CCSER2: variants seen among roughly 807,000 people sequenced by gnomAD.
CCSER2 encodes serine-rich coiled-coil domain-containing protein 2.
In CCSER2, 46 loss-of-function variants were observed where a neutral mutation model predicts 92.3. The observed-to-expected ratio is 0.50, with a 90% CI of 0.39 to 0.64. The LOEUF is 0.64. CCSER2 is among the 30% of genes least tolerant of loss of function. The pLI is 0.00. For synonymous variants in CCSER2, 433 were observed against 431.4 expected, an observed-to-expected ratio of 1.00 and a Z score of -0.04; for missense variants, 1,244 against 1,238.9, an observed-to-expected ratio of 1.00 and a Z score of -0.06.
chr10:84,444,448 C>G (rs963174783), intron 6 of CCSER2, among the ~76,000 whole-genome samples: 2 of 152,138 alleles, frequency 1.3e-5, no homozygotes, highest in African/African-American at 4.8e-5. Flanking sequence ...CTCTGATATA[C>G]ATTATCTCTA....
intron 1 of CCSER2, among the ~76,000 whole-genome samples, chr10:84,333,266 C>A (rs1008772504): frequency 1.3e-5 from 2 of 152,094 alleles, no homozygotes; most frequent in Non-Finnish European, 2.9e-5. Flanking sequence ...AGGTTACTCC[C>A]ATTCTAGATA....
At chr10:84,431,777 A>G (rs1564656314) in intron 5 of CCSER2, among the ~76,000 whole-genome samples, 1 of 152,188 alleles carries the variant, frequency 6.6e-6, no homozygotes, top group Admixed American at 6.5e-5. Flanking sequence ...GTATGGCTGT[A>G]CTACAGTTTG....
chr10:84,512,393 TGTGA>T (rs1390480402), intron 9 of CCSER2, among the ~76,000 whole-genome samples: 2 of 122,196 alleles, frequency 1.6e-5, no homozygotes, highest in East Asian at 2.6e-4. Flanking sequence ...TGTGTGTGTG[TGTGA>T]GAGAGAGAGA....
chr10:84,331,554 T>TA (rs1843563350), intron 1 of CCSER2, among the ~76,000 whole-genome samples: 1 of 152,214 alleles, frequency 6.6e-6, no homozygotes, highest in Admixed American at 6.5e-5. Context: ...TGCAGCTGGC[T>TA]AATAGCATGG....
chr10:84,433,193 G>T (rs2133474137), intron 5 of CCSER2, among the ~76,000 whole-genome samples: 1 of 152,058 alleles, frequency 6.6e-6, no homozygotes, highest in East Asian at 1.9e-4. Flanking sequence ...GGATATTTTG[G>T]GTCTTTTGCC....
intron 6 of CCSER2, among the ~76,000 whole-genome samples, chr10:84,461,672 T>C (rs78748108): frequency 0.058 from 8,736 of 151,900 alleles, 347 homozygotes; most frequent in Admixed American, 0.1. Context: ...TTTTTTTTTT[T>C]TCCCCCTGAG....
Position 84,430,178 on chromosome 10 carries a change from A to T in CCSER2, c.1868+4285A>T, listed in dbSNP as rs564801524. 2.2e-4 allele frequency among the ~76,000 whole-genome samples: 33 copies of T among 152,258 alleles called. No individual in the cohort carries two copies. In the South Asian group the frequency reaches 6.4e-3, roughly 30 times the overall value. ...TAGTTTGCAGCTTAGGCACACCTGC[A>T]GTCCTGTAAGTAGTTTGCAGCTCTG... On this transcript the variant is annotated intron_variant, in intron 5 of 9. Coordinates refer to ENST00000372088, the MANE Select transcript of CCSER2 (RefSeq NM_001284240.2).
rs140609947 is a variant in CCSER2 at position 84,395,566 on chromosome 10, C to T, written c.1614+21751C>T. Among the ~76,000 whole-genome samples the T allele has an allele frequency of 1.9e-4, 29 of 152,204 alleles. No individual in the cohort carries two copies. The East Asian group carries it at 2.3e-3, about 12-fold the overall frequency. On this transcript the variant is annotated intron_variant, in intron 3 of 9. Transcript: ENST00000372088. Reference sequence around the variant, plus strand: ...TCTAGTGGCATTTGTGTGGTACTTCCGCAATCTTTTATCCCTTTCCTGGTC... The same window carrying T: ...TCTAGTGGCATTTGTGTGGTACTTCTGCAATCTTTTATCCCTTTCCTGGTC...
intron 6 of CCSER2, among the ~76,000 whole-genome samples, chr10:84,452,032 T>TA (rs1287275445): frequency 1.3e-5 from 2 of 152,288 alleles, no homozygotes; most frequent in South Asian, 2.1e-4. Flanking sequence ...CCTTTGTATT[T>TA]AAAAAAGAAA....
chr10:84,504,842 C>A (rs1026372639), intron 9 of CCSER2, among the ~76,000 whole-genome samples: 4 of 152,022 alleles, frequency 2.6e-5, no homozygotes, highest in Non-Finnish European at 4.4e-5. Flanking sequence ...GCAAATAAAT[C>A]ATAAATAAAT....
chr10:84,371,011 C>A lies in CCSER2; in HGVS notation c.-39-3C>A. 7.8e-7 allele frequency: 1 copy of A among 1,287,536 alleles called. No individual in the cohort carries two copies. 79.8% of individuals were successfully genotyped at this position (1,287,536 alleles called of 1,614,324 possible). ...TTAATGTACTTCTTTTTTCTCTTCA[C>A]AGATTCTTTCAACTTTTAAGAACAA... On this transcript the variant is annotated splice_region_variant and splice_polypyrimidine_tract_variant and intron_variant, in intron 1 of 9. Transcript: ENST00000372088.
intron 3 of CCSER2, among the ~76,000 whole-genome samples, chr10:84,374,324 TAATAC>T (rs1252695259): frequency 1.3e-5 from 2 of 152,192 alleles, no homozygotes; most frequent in African/African-American, 2.4e-5. Flanking sequence ...CTCAGTGGGA[TAATAC>T]AATACAAGTG....
At chr10:84,354,294 G>A (rs1387318013) in intron 1 of CCSER2, among the ~76,000 whole-genome samples, 1 of 143,394 alleles carries the variant, frequency 7.0e-6, no homozygotes, top group African/African-American at 2.9e-5. Context: ...AATAGAGTAT[G>A]TTTCCTGACT....
At chr10:84,485,727 C>A (rs1847766745) in intron 9 of CCSER2, among the ~76,000 whole-genome samples, 1 of 152,128 alleles carries the variant, frequency 6.6e-6, no homozygotes, top group South Asian at 2.1e-4. Context: ...GTTTTCAGAA[C>A]ACAGTTCACT....
In CCSER2 at chr10:84,405,401, T is replaced by C. The variant is rs368806901; in HGVS notation, c.1615-12370T>C. On this transcript the variant is annotated intron_variant, in intron 3 of 9. Coordinates refer to ENST00000372088, the MANE Select transcript of CCSER2 (RefSeq NM_001284240.2). The stretch of plus-strand genomic sequence containing the variant: ...TTTTAAAATACTATGACCTGGAGAT[T>C]AGGTGAAAAGTTATTAGAAATTATG... Among the ~76,000 whole-genome samples the C allele has an allele frequency of 3.3e-5, 5 of 151,062 alleles. No homozygotes were observed. In the East Asian group the frequency reaches 7.8e-4, roughly 24 times the overall value.
chr10:84,481,193 C>T (rs900817807), intron 9 of CCSER2, among the ~76,000 whole-genome samples: 1 of 152,056 alleles, frequency 6.6e-6, no homozygotes, highest in African/African-American at 2.4e-5. Flanking sequence ...ACCCCTTGTG[C>T]CCCACACTAT....
At chr10:84,392,084 T>C in intron 3 of CCSER2, 2 of 852,738 alleles carry the variant, frequency 2.3e-6, no homozygotes, top group Non-Finnish European at 3.9e-6. Context: ...TTAGGGGTCC[T>C]TCAGTCTTGG....
chr10:84,457,272 T>TA lies in CCSER2; in HGVS notation c.2065-6659dup, dbSNP rs1172836734. 9.7e-3 allele frequency among the ~76,000 whole-genome samples: 164 copies of TA among 16,836 alleles called. 13 individuals carry two copies. Among genetic ancestry groups the TA allele is most frequent in the Admixed American group, 0.092 (104 of 1,134 alleles). 11.0% of individuals were successfully genotyped at this position (16,836 alleles called of 152,430 possible). A position where few individuals can be genotyped will look rare whatever the true frequency, so the allele number is the denominator to read the frequency against. On this transcript the variant is annotated intron_variant, in intron 6 of 9. Coordinates refer to ENST00000372088, the MANE Select transcript of CCSER2 (RefSeq NM_001284240.2). Reference sequence around the variant, plus strand: ...TATATTATATAAAATATATTATATATAATATATTATATATTATATATTATA... The same window carrying TA: ...TATATTATATAAAATATATTATATATAAATATATTATATATTATATATTATA...
At chr10:84,381,629 TAAG>T (rs1200053782) in intron 3 of CCSER2, among the ~76,000 whole-genome samples, 7 of 151,978 alleles carry the variant, frequency 4.6e-5, no homozygotes, top group African/African-American at 1.7e-4. Context: ...CTGAGTTTCT[TAAG>T]AACATCCACG....
Sources: gnomAD v4.1 joint callset for allele counts (sites outside exome capture counted in the v4.1 genomes callset) on GRCh38, gnomAD v4.1.1 for gene constraint, MANE v1.5 for transcripts, NCBI Gene and HGNC (gene_info 2026-07-23, HGNC 2026-07-21) for gene names.